Variants in SWAP70 observed in about 807,000 individuals in gnomAD.
SWAP70 encodes switching B cell complex subunit SWAP70, also known as switch-associated protein 70.
SWAP70 carries 34 observed loss-of-function variants against 80.2 expected under a neutral mutation model. The observed-to-expected ratio is 0.42, with a 90% confidence interval of 0.32 to 0.56. The LOEUF is 0.56. SWAP70 is among the 20% of genes least tolerant of loss of function. The probability of loss-of-function intolerance (pLI) is 0.09; values close to 1 mark genes in which losing one functional copy is unlikely to be tolerated. For synonymous variants in SWAP70, 239 were observed against 238.5 expected (o/e 1.00, Z -0.02); for missense variants, 578 against 690.7 (o/e 0.84, Z 1.83).
intron 5 of SWAP70, among the ~76,000 whole-genome samples, 161 bp from the exon 6 acceptor site, chr11:9,729,182 A>G (rs112703795): frequency 3.6e-4 from 55 of 152,352 alleles, no homozygotes; most frequent in African/African-American, 1.1e-3. Flanking sequence ...CATTTTTACC[A>G]TAAGTAATGT....
intron 9 of SWAP70, among the ~76,000 whole-genome samples, chr11:9,744,153 G>A (rs1329634858): frequency 2.0e-5 from 3 of 151,986 alleles, no homozygotes; most frequent in East Asian, 1.9e-4. Context: ...TAGTAGAGAC[G>A]GGGTTTAACC....
At chr11:9,746,006 G>A (rs1851507647) in intron 9 of SWAP70, among the ~76,000 whole-genome samples, 2 of 152,200 alleles carry the variant, frequency 1.3e-5, no homozygotes, top group African/African-American at 4.8e-5. Flanking sequence ...TGAGGATGCC[G>A]CTGGCGCCCA....
rs1212883450 is a variant in SWAP70 at position 9,729,443 on chromosome 11, G to A, written c.890G>A (p.Trp297Ter). 6.2e-7 allele frequency: 1 copy of A among 1,601,920 alleles called. No homozygotes were observed. The highest frequency in any genetic ancestry group is 8.5e-7 in the Non-Finnish European group (1 of 1,170,244). ...TCAGATAAGAAGAAGAAACAGGAGT[G>A]GATTCAAGGTAAGGTGATTTTTTAT... ...SASDKKKKQEWIQAIHSTIHL... is the reference protein window; with the variant it reads ...SASDKKKKQE The change falls in exon 6 of 12, where the codon TGG becomes TAG. Residue 297 changes from tryptophan (W) to a stop codon, truncating the protein, a stop_gained. Coordinates refer to ENST00000318950, the MANE Select transcript of SWAP70 (RefSeq NM_015055.4). LOFTEE classifies it high-confidence loss of function.
At chr11:9,714,807 ATTTTTTTT>A (rs71034737) in intron 3 of SWAP70, among the ~76,000 whole-genome samples, 29 of 127,706 alleles carry the variant, frequency 2.3e-4, no homozygotes, top group South Asian at 2.5e-4. Context: ...CCAAAAGGGG[ATTTTTTTT>A]TTTTTTTTTT....
intron 10 of SWAP70, among the ~76,000 whole-genome samples, chr11:9,748,480 G>A (rs550865995): frequency 2.0e-5 from 3 of 152,230 alleles, no homozygotes; most frequent in Non-Finnish European, 1.5e-5. Flanking sequence ...AGGGTGCACA[G>A]ATGGCAGAAA....
At chr11:9,747,044 T>G (rs1851521312) in intron 9 of SWAP70, among the ~76,000 whole-genome samples, 1 of 152,224 alleles carries the variant, frequency 6.6e-6, no homozygotes, top group Non-Finnish European at 1.5e-5. Flanking sequence ...ATCCTGTCCT[T>G]GGCTGGCATC....
intron 1 of SWAP70, among the ~76,000 whole-genome samples, chr11:9,675,373 GAGAGAGAGAGAGAGAGAGA>G (rs1565111724): frequency 8.8e-5 from 5 of 56,552 alleles, no homozygotes; most frequent in Non-Finnish European, 1.3e-4. Flanking sequence ...GAGAGAGAGA[GAGAGAGAGAGAGAGAGAGA>G]GAGAGAGAGA....
At chr11:9,673,722 G>T (rs1850449220) in intron 1 of SWAP70, among the ~76,000 whole-genome samples, 1 of 152,140 alleles carries the variant, frequency 6.6e-6, no homozygotes, top group Admixed American at 6.5e-5. Context: ...ATTAGACAAG[G>T]AAGGTCAGAG....
intron 7 of SWAP70, among the ~76,000 whole-genome samples, chr11:9,736,309 T>C (rs1233444362): frequency 6.6e-6 from 1 of 152,156 alleles, no homozygotes; most frequent in Non-Finnish European, 1.5e-5. Context: ...AAAATATTTA[T>C]AACTGCTTTG....
intron 3 of SWAP70, among the ~76,000 whole-genome samples, chr11:9,714,850 T>C (rs373733189): frequency 4.0e-5 from 6 of 150,450 alleles, no homozygotes; most frequent in African/African-American, 1.5e-4. Context: ...TTCGCTCTTA[T>C]TGCCCAGGCT....
intron 1 of SWAP70, 85 bp downstream of exon 1, chr11:9,664,363 CCGTGACCGCAGGGCGGGG>C (rs1344769225): frequency 4.9e-6 from 7 of 1,437,134 alleles, no homozygotes; most frequent in Non-Finnish European, 5.6e-6. Context: ...ACCTGGCGGG[CCGTGACCGCAGGGCGGGG>C]CGGGTCGGAA....
chr11:9,742,338 T>C (rs1387627482), intron 9 of SWAP70, among the ~76,000 whole-genome samples: 1 of 152,070 alleles, frequency 6.6e-6, no homozygotes, highest in African/African-American at 2.4e-5. Context: ...TTTGCCCCCC[T>C]GCTCCCTTTT....
intron 9 of SWAP70, among the ~76,000 whole-genome samples, chr11:9,747,645 C>T (rs766305592): frequency 2.6e-5 from 4 of 152,190 alleles, no homozygotes; most frequent in East Asian, 1.9e-4. Flanking sequence ...ATTTCACAAA[C>T]GGGTGAAACT....
At chr11:9,720,201 G>T in intron 3 of SWAP70, 3 of 985,316 alleles carry the variant, frequency 3.0e-6, no homozygotes, top group Non-Finnish European at 3.6e-6. Flanking sequence ...AAGTTATTTG[G>T]TTATGATACG....
intron 1 of SWAP70, among the ~76,000 whole-genome samples, chr11:9,687,138 C>T (rs899223451): frequency 6.6e-5 from 10 of 152,170 alleles, no homozygotes; most frequent in Admixed American, 2.6e-4. Context: ...CTGCAAGCTA[C>T]GCAATTCCGT....
chr11:9,725,555 ATATATATATATATATTTTTT>A (rs1199103789), intron 4 of SWAP70, among the ~76,000 whole-genome samples: 245 of 11,202 alleles, frequency 0.022, 3 homozygotes, highest in Middle Eastern at 0.059. Flanking sequence ...ATATATATAT[ATATATATATATATATTTTTT>A]TTTTTTTTTT....
At chr11:9,670,185 A>T (rs1850358055) in intron 1 of SWAP70, among the ~76,000 whole-genome samples, 1 of 152,136 alleles carries the variant, frequency 6.6e-6, no homozygotes, top group Admixed American at 6.6e-5. Context: ...GGTAATAGGG[A>T]CTAGAGACAG....
chr11:9,669,270 C>T (rs964969278), intron 1 of SWAP70, among the ~76,000 whole-genome samples: 12 of 152,098 alleles, frequency 7.9e-5, no homozygotes, highest in South Asian at 4.1e-4. Context: ...TTTTTTGAGA[C>T]GGAGTCTTGC....
At position 9,713,485 on chromosome 11, in the gene SWAP70, A is replaced by C; in HGVS notation, c.260A>C (p.Lys87Thr). The C allele has an allele frequency of 6.2e-7, 1 of 1,611,466 alleles. No homozygotes were observed. Among genetic ancestry groups the C allele is most frequent in the Non-Finnish European group, 8.5e-7 (1 of 1,179,230 alleles). The stretch of plus-strand genomic sequence containing the variant: ...TTTTAGGTCCAAGACAACTTTGACA[A>C]GATTGAATTCAATAGGATGTGTTGG... Reference protein sequence around the residue: ...ILEKVQDNFDKIEFNRMCWTL... With the variant: ...ILEKVQDNFDTIEFNRMCWTL... The change falls in exon 3 of 12, where the codon AAG (lysine) becomes ACG (threonine). Residue 87 changes from lysine (K) to threonine (T), a missense_variant. Lys to Thr is a moderately conservative substitution (Grantham distance 78, BLOSUM62 -1). Transcript: ENST00000318950.
Sources: gnomAD v4.1 joint callset for allele counts (sites outside exome capture counted in the v4.1 genomes callset) on GRCh38, gnomAD v4.1.1 for gene constraint, MANE v1.5 for transcripts, NCBI Gene and HGNC (gene_info 2026-07-23, HGNC 2026-07-21) for gene names.